Variants in RPTOR observed in about 807,000 individuals in gnomAD.
The protein encoded by RPTOR is regulatory-associated protein of mTOR.
A neutral mutation model predicts 169.9 loss-of-function variants in RPTOR; 21 were observed. The ratio of observed to expected loss-of-function variants is 0.12; its 90% CI spans 0.09 to 0.18. The LOEUF is 0.18. Ranked by LOEUF, RPTOR falls within the 10% of genes least tolerant of loss-of-function variation. RPTOR has a pLI of 1.00. For synonymous variants in RPTOR, 732 were observed against 753.2 expected, an observed-to-expected ratio of 0.97 and a Z score of 0.46; for missense variants, 1,133 against 1,855.9, an observed-to-expected ratio of 0.61 and a Z score of 7.16.
intron 31 of RPTOR, chr17:80,961,798 C>T (rs113560017): frequency 5.3e-5 from 18 of 339,568 alleles, no homozygotes; most frequent in Admixed American, 4.5e-4. Context: ...GCAGGGGCGG[C>T]GCGTCTGCCA....
At chr17:80,867,243 AT>A (rs1489485122) in intron 13 of RPTOR, among the ~76,000 whole-genome samples, 1 of 152,164 alleles carries the variant, frequency 6.6e-6, no homozygotes, top group Admixed American at 6.5e-5. Context: ...TTAAAGAATT[AT>A]TTTTAAAGAG....
intron 2 of RPTOR, among the ~76,000 whole-genome samples, chr17:80,626,486 A>G (rs1377671452): frequency 6.6e-6 from 1 of 152,182 alleles, no homozygotes; most frequent in Admixed American, 6.5e-5. Context: ...CCAGCAAAGC[A>G]TCACATAATG....
chr17:80,669,722 C>T (rs2065807701), intron 3 of RPTOR, among the ~76,000 whole-genome samples: 1 of 152,220 alleles, frequency 6.6e-6, no homozygotes, highest in African/African-American at 2.4e-5. Flanking sequence ...TGTTTCTCCC[C>T]TGCGCTCTGG....
At chr17:80,963,989 G>T (rs894958969) in intron 33 of RPTOR, among the ~76,000 whole-genome samples, 1 of 152,184 alleles carries the variant, frequency 6.6e-6, no homozygotes, top group Non-Finnish European at 1.5e-5. Flanking sequence ...GCTGACACGT[G>T]TGACATTGGA....
chr17:80,921,603 C>G (rs1421137367), intron 21 of RPTOR, among the ~76,000 whole-genome samples: 1 of 152,270 alleles, frequency 6.6e-6, no homozygotes, highest in African/African-American at 2.4e-5. Context: ...AGCAAAACCT[C>G]TTGCCTCCTG....
At chr17:80,914,415 C>G (rs1165570450) in intron 21 of RPTOR, among the ~76,000 whole-genome samples, 1 of 152,194 alleles carries the variant, frequency 6.6e-6, no homozygotes, top group Non-Finnish European at 1.5e-5. Flanking sequence ...ACCCAGCCAT[C>G]TCTGCTCTTG....
chr17:80,776,750 G>C (rs1019550445), intron 6 of RPTOR, among the ~76,000 whole-genome samples: 2 of 152,170 alleles, frequency 1.3e-5, no homozygotes, highest in African/African-American at 4.8e-5. Flanking sequence ...CATATTGCAG[G>C]GGAAAGACTG....
In RPTOR at chr17:80,708,558, AT is replaced by A. The variant is rs1233848589; in HGVS notation, c.507+560del. Among the ~76,000 whole-genome samples the A allele has an allele frequency of 3.3e-5, 5 of 149,362 alleles. No individual in the cohort carries two copies. Among genetic ancestry groups the A allele is most frequent in the African/African-American group, 1.2e-4 (5 of 40,228 alleles). ...GTGGTGGGTGCTGACTGTCATCCCC[AT>A]CCTCCAGGGTGTGGTGGGTGCTGAC... On this transcript the variant is annotated intron_variant, in intron 4 of 33. Transcript: ENST00000306801. This position sits in a 1 kb window ranked among gnomAD's most constrained non-coding sequence, Gnocchi z 4.2.
At chr17:80,882,295 G>A (rs764239775) in intron 14 of RPTOR, among the ~76,000 whole-genome samples, 4 of 152,148 alleles carry the variant, frequency 2.6e-5, no homozygotes, top group East Asian at 3.8e-4. Flanking sequence ...GGAGAGTTCC[G>A]ATTTTAAAAG....
rs367843305 is a variant in RPTOR, at chr17:80,957,401, G to A, written c.3371-223G>A. Among the ~76,000 whole-genome samples the A allele has an allele frequency of 1.4e-4, 21 of 152,284 alleles. No individual in the cohort carries two copies. The East Asian group carries it at 2.3e-3, about 17-fold the overall frequency. The stretch of plus-strand genomic sequence containing the variant: ...CAGCTCAGAATTGTCATCCCGGCCC[G>A]GACTTGGGAGTTCCAGCTCAGAATT... On this transcript the variant is annotated intron_variant, in intron 28 of 33. Coordinates refer to ENST00000306801, the MANE Select transcript of RPTOR (RefSeq NM_020761.3). This position sits in a 1 kb window ranked among gnomAD's most constrained non-coding sequence, Gnocchi z 4.6.
At chr17:80,693,610 A>T (rs2066011178) in intron 3 of RPTOR, among the ~76,000 whole-genome samples, 1 of 152,242 alleles carries the variant, frequency 6.6e-6, no homozygotes, top group Non-Finnish European at 1.5e-5. Context: ...ATTACGAGTT[A>T]CTGTGACCTT....
rs1441548322 is a variant in RPTOR at position 80,545,345 on chromosome 17, GC to G, written c.-283del. On this transcript the variant is annotated 5_prime_UTR_variant, in exon 1 of 34. Transcript: ENST00000306801. ...CTCGCAGCCCCTCTGGAAACGTACA[GC>G]CTCAGGAGCAGCCAGTGGCTTGGGA... 1 of 314,900 alleles carries G rather than the reference GC, an allele frequency of 3.2e-6. No homozygotes were observed. Among genetic ancestry groups the G allele is most frequent in the Non-Finnish European group, 5.9e-6 (1 of 170,584 alleles). 19.5% of individuals were successfully genotyped at this position (314,900 alleles called of 1,614,324 possible). A position where few individuals can be genotyped will look rare whatever the true frequency, so the allele number is the denominator to read the frequency against.
chr17:80,819,923 AC>A (rs2067362375), intron 7 of RPTOR, among the ~76,000 whole-genome samples: 1 of 151,956 alleles, frequency 6.6e-6, no homozygotes, highest in Non-Finnish European at 1.5e-5. Flanking sequence ...ACATGTCTGA[AC>A]CCCATGGAGC....
At chr17:80,816,407 T>G (rs1288872949) in intron 7 of RPTOR, among the ~76,000 whole-genome samples, 3 of 152,162 alleles carry the variant, frequency 2.0e-5, no homozygotes, top group Admixed American at 2.0e-4. Context: ...CCACAGGGAC[T>G]CTTGGAGTGG....
At chr17:80,790,983 G>T (rs1019884340) in intron 6 of RPTOR, among the ~76,000 whole-genome samples, 1 of 152,110 alleles carries the variant, frequency 6.6e-6, no homozygotes, top group Non-Finnish European at 1.5e-5. Context: ...ACCCAGCTCT[G>T]ACCTGTAGGA....
chr17:80,964,056 G>A lies in RPTOR; in HGVS notation c.3940-206G>A, dbSNP rs541006376. 1.6e-4 allele frequency among the ~76,000 whole-genome samples: 24 copies of A among 152,254 alleles called. No individual in the cohort carries two copies. In the South Asian group the frequency reaches 2.5e-3, roughly 16 times the overall value. On this transcript the variant is annotated intron_variant, in intron 33 of 33. Transcript: ENST00000306801. ...AAAACCACGCAGGGCCCGGGGCAGC[G>A]CCACGCCCCTCACGGAGTGCACCAT...
rs117165611 is a variant in RPTOR at position 80,824,818 on chromosome 17, G to A, written c.1136+1595G>A. ...CCTCCTATCTGATGTGCTCAGCTGC[G>A]CAGAGTTAAAGACAGTGACATCACA... is the stretch of plus-strand genomic sequence containing the variant. On this transcript the variant is annotated intron_variant, in intron 9 of 33. Transcript: ENST00000306801. Among the ~76,000 whole-genome samples, 72 of 152,346 alleles carry A rather than the reference G, an allele frequency of 4.7e-4. 1 individual carries two copies. In the East Asian group the frequency reaches 9.6e-3, roughly 20 times the overall value.
In RPTOR at chr17:80,820,371, T is replaced by A. The variant is rs920436852; in HGVS notation, c.891-1830T>A. On this transcript the variant is annotated intron_variant, in intron 7 of 33. Transcript: ENST00000306801. This position sits in a 1 kb window ranked among gnomAD's most constrained non-coding sequence, Gnocchi z 4.1. ...GACACAAGTGTGTTGGGGCTCCATG[T>A]CCACCCCACGATGCCCCCCGTGCCC... 2.6e-5 allele frequency among the ~76,000 whole-genome samples: 4 copies of A among 152,208 alleles called. No homozygotes were observed. Among genetic ancestry groups the A allele is most frequent in the African/African-American group, 4.8e-5 (2 of 41,460 alleles).
At chr17:80,858,707 AG>A (rs1466723317) in intron 13 of RPTOR, among the ~76,000 whole-genome samples, 4 of 150,718 alleles carry the variant, frequency 2.7e-5, no homozygotes, top group African/African-American at 7.4e-5. Context: ...AAGGGCCTTG[AG>A]GGGGTGGATG....
Sources: gnomAD v4.1 joint callset for allele counts (sites outside exome capture counted in the v4.1 genomes callset) on GRCh38, gnomAD v4.1.1 for gene constraint, Gnocchi (gnomAD v3.1) non-coding constraint, MANE v1.5 for transcripts, NCBI Gene and HGNC (gene_info 2026-07-23, HGNC 2026-07-21) for gene names.